The following MED13L variants were observed in gnomAD, a reference collection of about 807,000 sequenced individuals.
The protein encoded by MED13L is mediator of RNA polymerase II transcription subunit 13-like.
MED13L carries 7 observed loss-of-function variants against 220.9 expected under a neutral mutation model. That is an observed-to-expected ratio of 0.03 (90% CI 0.02 to 0.06). MED13L has a LOEUF of 0.06. MED13L is among the 10% of genes least tolerant of loss of function. MED13L has a pLI of 1.00. For missense variants in MED13L, 1,965 were observed against 2,760.5 expected (o/e 0.71, Z 6.46); for synonymous variants, 1,011 against 1,015.2 (o/e 1.00, Z 0.08).
chr12:116,212,285 A>G (rs1438091064), intron 2 of MED13L, among the ~76,000 whole-genome samples: 1 of 152,196 alleles, frequency 6.6e-6, no homozygotes, highest in Non-Finnish European at 1.5e-5. Flanking sequence ...CCTCTTAGAA[A>G]CAAACCCATG....
chr12:116,187,271 G>C (rs562007584), intron 2 of MED13L, among the ~76,000 whole-genome samples: 1 of 152,246 alleles, frequency 6.6e-6, no homozygotes, highest in African/African-American at 2.4e-5. Context: ...GTGTTCTTTG[G>C]TTTGAGAGAC....
intron 1 of MED13L, among the ~76,000 whole-genome samples, chr12:116,263,936 C>T (rs549481153): frequency 1.3e-5 from 2 of 152,284 alleles, no homozygotes; most frequent in East Asian, 3.9e-4. Flanking sequence ...TACACTGAAT[C>T]GCTAGACTCA....
rs1056742537 is a variant in MED13L, at chr12:116,203,901, T to C, written c.310+33567A>G. On this transcript the variant is annotated intron_variant, in intron 2 of 30. Coordinates refer to ENST00000281928, the MANE Select transcript of MED13L (RefSeq NM_015335.5). ...ACTTACGAATTGAATCAGTTAACTATATGCTTAGTTAGAAACAATAAAAAC... is the reference window on the plus strand; with the variant it reads ...ACTTACGAATTGAATCAGTTAACTACATGCTTAGTTAGAAACAATAAAAAC... Among the ~76,000 whole-genome samples the C allele has an allele frequency of 3.3e-5, 5 of 152,290 alleles. No individual in the cohort carries two copies. The South Asian group carries it at 1.0e-3, about 32-fold the overall frequency.
At chr12:116,129,972 C>A (rs1875933258) in intron 2 of MED13L, among the ~76,000 whole-genome samples, 1 of 151,652 alleles carries the variant, frequency 6.6e-6, no homozygotes, top group Non-Finnish European at 1.5e-5. Context: ...TATCCATTTA[C>A]CTCAAGAGTA....
In MED13L at chr12:116,190,374, T is replaced by C. The variant is rs16946536; in HGVS notation, c.310+47094A>G. On this transcript the variant is annotated intron_variant, in intron 2 of 30. Coordinates refer to ENST00000281928, the MANE Select transcript of MED13L (RefSeq NM_015335.5). ...ATGTTTGAACATGACCTTCTCAAAA[T>C]TTGCAAAGGAAATTAATGAATTATT... Among the ~76,000 whole-genome samples the C allele has an allele frequency of 8.2e-3, 1,243 of 152,322 alleles. 26 individuals are homozygous for C. Among genetic ancestry groups the C allele is most frequent in the African/African-American group, 0.028 (1,153 of 41,564 alleles).
intron 28 of MED13L, among the ~76,000 whole-genome samples, chr12:115,966,989 T>C (rs780538016): frequency 4.5e-4 from 68 of 151,972 alleles, no homozygotes; most frequent in Non-Finnish European, 7.7e-4. Flanking sequence ...CTGGCGAACA[T>C]GGTGAAACCC....
intron 2 of MED13L, among the ~76,000 whole-genome samples, chr12:116,132,849 G>C (rs542736303): frequency 2.6e-5 from 4 of 151,942 alleles, no homozygotes; most frequent in Non-Finnish European, 5.9e-5. Context: ...GAAACAGGGA[G>C]GCAGAGGCTG....
chr12:116,098,139 G>A (rs1252270299), intron 3 of MED13L, among the ~76,000 whole-genome samples: 4 of 151,952 alleles, frequency 2.6e-5, no homozygotes, highest in East Asian at 1.9e-4. Flanking sequence ...CCAGCTACTC[G>A]GGAGGCTGAA....
intron 1 of MED13L, among the ~76,000 whole-genome samples, chr12:116,273,160 C>A (rs1423666872): frequency 6.6e-6 from 1 of 151,988 alleles, no homozygotes; most frequent in Non-Finnish European, 1.5e-5. Flanking sequence ...CAAAATTAGC[C>A]GGGCGTGGTG....
intron 2 of MED13L, chr12:116,148,600 T>C (rs139328587): frequency 2.0e-5 from 4 of 199,220 alleles, no homozygotes; most frequent in East Asian, 2.0e-4. Flanking sequence ...TCCATATATA[T>C]GGAGATATCT....
Position 116,067,841 on chromosome 12 carries a change from G to A in MED13L, c.479+28828C>T, listed in dbSNP as rs1037451776. On this transcript the variant is annotated intron_variant, in intron 4 of 30. Transcript: ENST00000281928. ...ATGAACTGTGAGTAAGCGCATATAC[G>A]AAGCTTGCAGCAAATGTCTGGAACA... 5.9e-5 allele frequency among the ~76,000 whole-genome samples: 9 copies of A among 152,232 alleles called. No homozygotes were observed. In the East Asian group the frequency reaches 1.7e-3, roughly 29 times the overall value.
intron 2 of MED13L, among the ~76,000 whole-genome samples, chr12:116,237,128 T>C (rs1284570605): frequency 6.6e-6 from 1 of 152,194 alleles, no homozygotes; most frequent in Non-Finnish European, 1.5e-5. Context: ...ACAGTAACTG[T>C]TCAATTCACT....
At chr12:116,062,234 C>A (rs1001136709) in intron 4 of MED13L, among the ~76,000 whole-genome samples, 5 of 151,786 alleles carry the variant, frequency 3.3e-5, no homozygotes, top group Non-Finnish European at 1.5e-5. Flanking sequence ...CTCACTGCAA[C>A]CTCCACCTCC....
At chr12:115,975,873 T>G (rs184714402) in intron 23 of MED13L, 135 bp from the exon 24 acceptor site, 3 of 766,132 alleles carry the variant, frequency 3.9e-6, no homozygotes, top group Non-Finnish European at 6.7e-6. Context: ...TCTCCAGTAC[T>G]AGAGACACAT....
chr12:116,046,315 C>T (rs961895729), intron 4 of MED13L, among the ~76,000 whole-genome samples: 1 of 151,910 alleles, frequency 6.6e-6, no homozygotes, highest in Non-Finnish European at 1.5e-5. Context: ...AGACACCCAT[C>T]CATTGAAACA....
In MED13L at chr12:115,982,582, T is replaced by G; in HGVS notation, c.4977A>C (p.Ile1659=). The change falls in exon 22 of 31, where the codon ATA becomes ATC. Residue 1659 remains isoleucine (I), a synonymous_variant. Coordinates refer to ENST00000281928, the MANE Select transcript of MED13L (RefSeq NM_015335.5). ...GQESVTERER[I]GIPTEPDSAD... is the part of the protein sequence containing the mutation. ...CAGAGTCAGGCTCCGTGGGAATTCC[T>G]ATTCTCTCCCTTTCTGTAACACTGG... 6.2e-7 allele frequency: 1 copy of G among 1,613,962 alleles called. No homozygotes were observed. Among genetic ancestry groups the G allele is most frequent in the Non-Finnish European group, 8.5e-7 (1 of 1,179,862 alleles).
chr12:116,118,414 T>C (rs1029367842), intron 2 of MED13L, among the ~76,000 whole-genome samples: 31 of 152,260 alleles, frequency 2.0e-4, no homozygotes, highest in Non-Finnish European at 4.1e-4. Context: ...GATTTAAATT[T>C]CCTATGTCTT....
chr12:116,259,154 C>T (rs886672122), intron 1 of MED13L, among the ~76,000 whole-genome samples: 2 of 152,038 alleles, frequency 1.3e-5, no homozygotes, highest in Non-Finnish European at 2.9e-5. Flanking sequence ...GTACATCCAT[C>T]TTATGAAACA....
chr12:116,064,310 T>C (rs1407136863), intron 4 of MED13L, among the ~76,000 whole-genome samples: 1 of 152,144 alleles, frequency 6.6e-6, no homozygotes, highest in Non-Finnish European at 1.5e-5. Flanking sequence ...ACTGTATTAT[T>C]GGGGGAATAA....
Sources: gnomAD v4.1 joint callset for allele counts (sites outside exome capture counted in the v4.1 genomes callset) on GRCh38, gnomAD v4.1.1 for gene constraint, MANE v1.5 for transcripts, NCBI Gene and HGNC (gene_info 2026-07-23, HGNC 2026-07-21) for gene names.